The following TMEM132C variants were observed in gnomAD, a reference collection of about 807,000 sequenced individuals.
The protein encoded by TMEM132C is transmembrane protein 132C.
In TMEM132C, 29 loss-of-function variants were observed where a neutral mutation model predicts 61.4. The observed-to-expected ratio is 0.47, with a 90% CI of 0.35 to 0.64. TMEM132C has a LOEUF of 0.64. TMEM132C is among the 30% of genes least tolerant of loss of function. TMEM132C has a pLI of 0.00. For missense variants in TMEM132C, 1,408 were observed against 1,476.9 expected, an observed-to-expected ratio of 0.95 and a Z score of 0.76; for synonymous variants, 656 against 633.1, an observed-to-expected ratio of 1.04 and a Z score of -0.54.
intron 2 of TMEM132C, among the ~76,000 whole-genome samples, chr12:128,452,400 G>A (rs1041043421): frequency 6.7e-6 from 1 of 148,558 alleles, no homozygotes; most frequent in Non-Finnish European, 1.5e-5. Context: ...ACGCCTGGTC[G>A]CAATTTTCAC....
chr12:128,664,116 CCGCA>C (rs1414540668), intron 4 of TMEM132C, among the ~76,000 whole-genome samples: 8 of 122,574 alleles, frequency 6.5e-5, no homozygotes, highest in African/African-American at 2.5e-4. Context: ...GCACACGCAC[CCGCA>C]CGCACGCGGG....
At chr12:128,316,957 C>T (rs1324004760) in intron 1 of TMEM132C, among the ~76,000 whole-genome samples, 1 of 152,172 alleles carries the variant, frequency 6.6e-6, no homozygotes, top group Non-Finnish European at 1.5e-5. Flanking sequence ...AACAATATAT[C>T]CATGTGACCT....
intron 4 of TMEM132C, among the ~76,000 whole-genome samples, chr12:128,648,933 G>A (rs1298856802): frequency 6.6e-6 from 1 of 150,814 alleles, no homozygotes; most frequent in Admixed American, 6.6e-5. Context: ...CATTGGATGA[G>A]TGTGTTTACT....
chr12:128,585,995 T>C (rs1875532511), intron 3 of TMEM132C, among the ~76,000 whole-genome samples: 1 of 152,186 alleles, frequency 6.6e-6, no homozygotes, highest in Admixed American at 6.5e-5. Flanking sequence ...ACAACATGAA[T>C]GTGCTTCATG....
intron 1 of TMEM132C, among the ~76,000 whole-genome samples, chr12:128,345,520 A>T (rs1873131746): frequency 6.6e-6 from 1 of 152,054 alleles, no homozygotes; most frequent in Non-Finnish European, 1.5e-5. Flanking sequence ...GATAATTTAC[A>T]CTCTCACCAA....
At chr12:128,676,211 C>G (rs1054327004) in intron 5 of TMEM132C, among the ~76,000 whole-genome samples, 9 of 152,114 alleles carry the variant, frequency 5.9e-5, no homozygotes, top group Non-Finnish European at 1.2e-4. Context: ...TAGCATTGCC[C>G]TGTCTTTTAA....
intron 4 of TMEM132C, among the ~76,000 whole-genome samples, chr12:128,621,949 T>C (rs913147244): frequency 6.6e-6 from 1 of 152,182 alleles, no homozygotes; most frequent in Non-Finnish European, 1.5e-5. Flanking sequence ...CTGAGCAGGC[T>C]GTCTGTTCCA....
At chr12:128,309,740 T>C (rs1326218682) in intron 1 of TMEM132C, among the ~76,000 whole-genome samples, 3 of 151,218 alleles carry the variant, frequency 2.0e-5, no homozygotes, top group African/African-American at 7.3e-5. Flanking sequence ...TTTTTTTTTC[T>C]TTTTTTTCCT....
chr12:128,661,306 G>C (rs1954387021), intron 4 of TMEM132C, among the ~76,000 whole-genome samples: 1 of 152,178 alleles, frequency 6.6e-6, no homozygotes, highest in Non-Finnish European at 1.5e-5. Flanking sequence ...AGCTGATTAT[G>C]AGCATTAGTC....
chr12:128,442,037 A>G (rs1275563376), intron 2 of TMEM132C, among the ~76,000 whole-genome samples: 1 of 152,084 alleles, frequency 6.6e-6, no homozygotes, highest in African/African-American at 2.4e-5. Flanking sequence ...AAATTAAACA[A>G]TGATACTATG....
At chr12:128,532,339 T>C (rs914124129) in intron 2 of TMEM132C, among the ~76,000 whole-genome samples, 1 of 151,104 alleles carries the variant, frequency 6.6e-6, no homozygotes, top group Non-Finnish European at 1.5e-5. Flanking sequence ...ATAACTTTTC[T>C]AAAGAAAAAA....
At chr12:128,373,076 A>G (rs1874078700) in intron 1 of TMEM132C, among the ~76,000 whole-genome samples, 1 of 152,214 alleles carries the variant, frequency 6.6e-6, no homozygotes, top group Non-Finnish European at 1.5e-5. Flanking sequence ...CAATAAACAC[A>G]TATAATTGCC....
intron 4 of TMEM132C, among the ~76,000 whole-genome samples, chr12:128,640,562 A>G (rs1320237392): frequency 1.3e-5 from 2 of 152,178 alleles, no homozygotes; most frequent in African/African-American, 4.8e-5. Context: ...AGATGACTGC[A>G]CAACTCTGAG....
intron 3 of TMEM132C, among the ~76,000 whole-genome samples, chr12:128,568,493 G>A (rs1005384486): frequency 9.9e-5 from 15 of 152,128 alleles, no homozygotes; most frequent in African/African-American, 3.6e-4. Flanking sequence ...CGTGGACTGG[G>A]CATTATTCTA....
chr12:128,674,794 C>A (rs1465131897), intron 5 of TMEM132C, among the ~76,000 whole-genome samples: 1 of 152,120 alleles, frequency 6.6e-6, no homozygotes, highest in African/African-American at 2.4e-5. Flanking sequence ...GTATACACTG[C>A]ACCATATTTG....
At chr12:128,658,059 T>C (rs546163176) in intron 4 of TMEM132C, among the ~76,000 whole-genome samples, 92 of 143,420 alleles carry the variant, frequency 6.4e-4, no homozygotes, top group African/African-American at 2.2e-3. Flanking sequence ...GCAGCTCCCA[T>C]GGAGGCCTCA....
In TMEM132C at chr12:128,705,210, C is replaced by G; in HGVS notation, c.2242C>G (p.Pro748Ala). Residue 748 changes from proline to alanine, a missense_variant, in exon 9 of 9, where the codon CCC becomes GCC. Physicochemically the swap from Pro to Ala is conservative, Grantham distance 27. Transcript: ENST00000435159. ...TSQDEAVVSV[P>A]QPRSPRWPVV... is the part of the protein sequence containing the mutation. ...CCAGGACGAGGCTGTCGTGTCAGTC[C>G]CCCAGCCCCGCTCTCCCAGGTGGCC... 6.4e-7 allele frequency: 1 copy of G among 1,551,692 alleles called. No individual in the cohort carries two copies. Among genetic ancestry groups the G allele is most frequent in the Non-Finnish European group, 8.7e-7 (1 of 1,146,994 alleles).
At chr12:128,331,955 A>G (rs938905864) in intron 1 of TMEM132C, among the ~76,000 whole-genome samples, 5 of 152,250 alleles carry the variant, frequency 3.3e-5, no homozygotes, top group African/African-American at 1.2e-4. Context: ...ACAGAGTATC[A>G]TACTGTATCT....
At chr12:128,571,924 A>G (rs12320448) in intron 3 of TMEM132C, among the ~76,000 whole-genome samples, 4,472 of 152,322 alleles carry the variant, frequency 0.029, 170 homozygotes, top group African/African-American at 0.089. Context: ...CTGCTCCTCC[A>G]CTGTTCACAC....
Sources: allele counts gnomAD v4.1 joint callset (sites outside exome capture counted in the v4.1 genomes callset), GRCh38; gene constraint gnomAD v4.1.1; transcripts MANE v1.5; gene names NCBI Gene and HGNC (gene_info 2026-07-23, HGNC 2026-07-21).